LMCD1: variants seen among roughly 807,000 people sequenced by gnomAD.
The protein encoded by LMCD1 is LIM and cysteine-rich domains protein 1.
LMCD1 carries 32 observed loss-of-function variants against 42.7 expected under a neutral mutation model. The ratio of observed to expected loss-of-function variants is 0.75; its 90% CI spans 0.57 to 1.01. LMCD1 has a LOEUF of 1.01. Ranked by LOEUF, LMCD1 falls within the 50% of genes least tolerant of loss-of-function variation. The probability of loss-of-function intolerance (pLI) is 0.00; values close to 1 mark genes in which losing one functional copy is unlikely to be tolerated. For missense variants in LMCD1, 458 were observed against 483.1 expected (o/e 0.95, Z 0.49); for synonymous variants, 178 against 184.9 (o/e 0.96, Z 0.30).
At chr3:8,560,986 C>T (rs938157359) in intron 4 of LMCD1, among the ~76,000 whole-genome samples, 4 of 152,154 alleles carry the variant, frequency 2.6e-5, no homozygotes, top group Non-Finnish European at 2.9e-5. Flanking sequence ...CAGTACATGA[C>T]GTTCCTTGTT....
chr3:8,519,605 A>G (rs936883679), intron 1 of LMCD1, among the ~76,000 whole-genome samples: 2 of 152,220 alleles, frequency 1.3e-5, no homozygotes, highest in African/African-American at 2.4e-5. Flanking sequence ...CTAAAGATCT[A>G]TGACTTTCTT....
chr3:8,539,401 T>C (rs1414785971), intron 3 of LMCD1, among the ~76,000 whole-genome samples: 1 of 152,158 alleles, frequency 6.6e-6, no homozygotes, highest in African/African-American at 2.4e-5. Context: ...CTTTCAAAAG[T>C]TTTTAGTACT....
chr3:8,556,018 A>C (rs1342610836), intron 4 of LMCD1, among the ~76,000 whole-genome samples: 6 of 152,168 alleles, frequency 3.9e-5, no homozygotes, highest in African/African-American at 1.2e-4. Context: ...AATCATAAAG[A>C]ATAGTTTTAG....
At chr3:8,515,563 C>T (rs1260065034) in intron 1 of LMCD1, among the ~76,000 whole-genome samples, 3 of 152,228 alleles carry the variant, frequency 2.0e-5, no homozygotes, top group South Asian at 2.1e-4. Context: ...CCATGTTATG[C>T]TCCTTGAGAA....
intron 3 of LMCD1, among the ~76,000 whole-genome samples, chr3:8,537,810 C>T (rs571671352): frequency 7.9e-5 from 12 of 152,172 alleles, no homozygotes; most frequent in Non-Finnish European, 2.9e-5. Flanking sequence ...CTTGAAGTAG[C>T]CTGGGATATG....
At chr3:8,527,978 G>A (rs943194235) in intron 1 of LMCD1, among the ~76,000 whole-genome samples, 1 of 152,214 alleles carries the variant, frequency 6.6e-6, no homozygotes, top group Admixed American at 6.5e-5. Flanking sequence ...TTCCAGAACA[G>A]TAAACCATAA....
At chr3:8,512,276 C>T (rs1441545099) in intron 1 of LMCD1, among the ~76,000 whole-genome samples, 1 of 152,202 alleles carries the variant, frequency 6.6e-6, no homozygotes, top group Non-Finnish European at 1.5e-5. Flanking sequence ...TTCTTTCACA[C>T]AGTTCTTACT....
At chr3:8,567,096 G>A (rs779339430) in intron 5 of LMCD1, among the ~76,000 whole-genome samples, 8 of 152,128 alleles carry the variant, frequency 5.3e-5, no homozygotes, top group Non-Finnish European at 1.0e-4. Context: ...TTGGCCATTG[G>A]CAGTTTATCT....
At chr3:8,562,628 C>G (rs1175527028) in intron 4 of LMCD1, among the ~76,000 whole-genome samples, 3 of 152,134 alleles carry the variant, frequency 2.0e-5, no homozygotes, top group Non-Finnish European at 4.4e-5. Context: ...ATCCCTAGAG[C>G]CCCTCATCCC....
chr3:8,547,814 A>C (rs1694766214), intron 3 of LMCD1, among the ~76,000 whole-genome samples: 2 of 151,216 alleles, frequency 1.3e-5, no homozygotes, highest in Admixed American at 1.3e-4. Context: ...TGAACCCGGG[A>C]GGCAGAGCTT....
chr3:8,553,815 G>C (rs891381298), intron 4 of LMCD1, among the ~76,000 whole-genome samples: 2 of 152,180 alleles, frequency 1.3e-5, no homozygotes, highest in African/African-American at 4.8e-5. Flanking sequence ...GCAATACCAA[G>C]CCTGAAAAAT....
chr3:8,536,259 A>G (rs1267550637), intron 2 of LMCD1, among the ~76,000 whole-genome samples: 1 of 152,222 alleles, frequency 6.6e-6, no homozygotes, highest in Non-Finnish European at 1.5e-5. Flanking sequence ...TCTGAGACCC[A>G]GCACAGCCTG....
In LMCD1 at chr3:8,516,748, G is replaced by A. The variant is rs551024342; in HGVS notation, c.42+14768G>A. ...TTGTTGGTTGATATTTTTAAAATCC[G>A]AATGATCCAATTATTCACTTTAATT... On this transcript the variant is annotated intron_variant, in intron 1 of 5. Transcript: ENST00000157600. Among the ~76,000 whole-genome samples, 16 of 152,254 alleles carry A rather than the reference G, an allele frequency of 1.1e-4. No homozygotes were observed. The South Asian group carries it at 1.2e-3, about 12-fold the overall frequency.
chr3:8,541,948 CCAGTGGCAGCTGGATG>C (rs1694635855), intron 3 of LMCD1, among the ~76,000 whole-genome samples: 1 of 150,516 alleles, frequency 6.6e-6, no homozygotes, highest in African/African-American at 2.5e-5. Flanking sequence ...AAAGTACACA[CCAGTGGCAGCTGGATG>C]CAGTGGCATT....
At chr3:8,525,428 G>T (rs141476800) in intron 1 of LMCD1, among the ~76,000 whole-genome samples, 1 of 152,064 alleles carries the variant, frequency 6.6e-6, no homozygotes, top group Non-Finnish European at 1.5e-5. Flanking sequence ...GTGTGTGTAC[G>T]TGGGTGTATG....
rs1024650278 is a variant in LMCD1, at chr3:8,571,602, TGAGAG to T, written c.*4005_*4009del. On this transcript the variant is annotated 3_prime_UTR_variant, in exon 6 of 6. Coordinates refer to ENST00000157600, the MANE Select transcript of LMCD1 (RefSeq NM_014583.4). Reference sequence around the variant, plus strand: ...GGAGGATGGAGAGAAACGACTGGACTGAGAGAAGAGCCCACTCCCCTTTATGTAAA... The same window carrying T: ...GGAGGATGGAGAGAAACGACTGGACTAAGAGCCCACTCCCCTTTATGTAAA... 7.9e-5 allele frequency: 12 copies of T among 152,370 alleles called. No individual in the cohort carries two copies. Among genetic ancestry groups the T allele is most frequent in the African/African-American group, 2.6e-4 (11 of 41,572 alleles). The allele number at this position is 152,370 out of a possible 1,614,324, so 9.4% of individuals were successfully genotyped here.
intron 1 of LMCD1, among the ~76,000 whole-genome samples, chr3:8,502,344 TAAA>T (rs1284478835): frequency 1.1e-5 from 1 of 87,016 alleles, no homozygotes; most frequent in African/African-American, 4.9e-5. Context: ...ATATTATATA[TAAA>T]ATATATAATA....
chr3:8,528,722 C>A (rs1262224722), intron 1 of LMCD1, among the ~76,000 whole-genome samples: 1 of 152,120 alleles, frequency 6.6e-6, no homozygotes, highest in Non-Finnish European at 1.5e-5. Flanking sequence ...TTCTCTTTTA[C>A]ATTCCTCTTC....
chr3:8,565,521 C>G lies in LMCD1; in HGVS notation c.813C>G (p.Thr271=), dbSNP rs368463123. Residue 271 remains threonine (T), a synonymous_variant, in exon 5 of 6, where the codon ACC becomes ACG. Coordinates refer to ENST00000157600, the MANE Select transcript of LMCD1 (RefSeq NM_014583.4). ...GCTACAACAAGCAGTGGCACCCCAC[C>G]TGCTTTGTGTGTGCCAAGTGCTCCG... ...RAGYNKQWHP[T]CFVCAKCSEP... is the part of the protein sequence containing the mutation. 2 of 1,614,214 alleles carry G rather than the reference C, an allele frequency of 1.2e-6. No homozygotes were observed. Among genetic ancestry groups the G allele is most frequent in the South Asian group, 1.1e-5 (1 of 91,086 alleles).
Sources: allele counts gnomAD v4.1 joint callset (sites outside exome capture counted in the v4.1 genomes callset), GRCh38; gene constraint gnomAD v4.1.1; transcripts MANE v1.5; gene names NCBI Gene and HGNC (gene_info 2026-07-23, HGNC 2026-07-21).